The following SLC47A2 variants were observed in gnomAD, a reference collection of about 807,000 sequenced individuals.
The protein encoded by SLC47A2 is solute carrier family 47 member 2.
In SLC47A2, 52 loss-of-function variants were observed where a neutral mutation model predicts 67.7. That is an observed-to-expected ratio of 0.77 (90% CI 0.61 to 0.97). The LOEUF (loss-of-function observed/expected upper bound fraction) is 0.97. Among genes scored for constraint, SLC47A2 ranks in the 50% least tolerant of loss-of-function variants. SLC47A2 has a pLI of 0.00. For synonymous variants in SLC47A2, 278 were observed against 292.9 expected (o/e 0.95, Z 0.52); for missense variants, 676 against 712.3 (o/e 0.95, Z 0.58).
chr17:19,692,826 A>G (rs1179995095), intron 13 of SLC47A2, among the ~76,000 whole-genome samples: 2 of 152,218 alleles, frequency 1.3e-5, no homozygotes, highest in African/African-American at 4.8e-5. Context: ...AAATATATAC[A>G]CCATGATCAA....
intron 10 of SLC47A2, chr17:19,705,111 T>C (rs960198641): frequency 7.6e-6 from 3 of 397,136 alleles, no homozygotes; most frequent in Non-Finnish European, 1.3e-5. Flanking sequence ...CGTGAGCCAC[T>C]GCGCCCAGCC....
At position 19,681,812 on chromosome 17, in the gene SLC47A2, T is replaced by A; in HGVS notation, c.1165-142A>T. 3 of 1,045,540 alleles carry A rather than the reference T, an allele frequency of 2.9e-6. No individual in the cohort carries two copies. In the South Asian group the frequency reaches 5.0e-5, roughly 17 times the overall value. The allele number at this position is 1,045,540 out of a possible 1,614,324, so 64.8% of individuals were successfully genotyped here. On this transcript the variant is annotated intron_variant, in intron 13 of 16. Coordinates refer to ENST00000433844, the MANE Select transcript of SLC47A2 (RefSeq NM_001099646.3). ...CACTGGATGGGTGCCCTTATCTCCC[T>A]TTCTTCCCTGAGGGTGGCTGTCCAA...
chr17:19,709,581 A>AGTGT (rs375982429), intron 5 of SLC47A2, among the ~76,000 whole-genome samples: 1 of 151,802 alleles, frequency 6.6e-6, no homozygotes, highest in African/African-American at 2.4e-5. Flanking sequence ...GGATAATAAT[A>AGTGT]GTGTGTGTGT....
rs868150867 is a variant in SLC47A2, at chr17:19,685,184, C to T, written c.1165-3514G>A. 3.7e-4 allele frequency among the ~76,000 whole-genome samples: 56 copies of T among 152,212 alleles called. No homozygotes were observed. The highest frequency in any genetic ancestry group is 6.8e-3 in the Middle Eastern group (2 of 294). On this transcript the variant is annotated intron_variant, in intron 13 of 16. Transcript: ENST00000433844. The surrounding 1 kb of genome is among the most constrained non-coding windows in gnomAD (Gnocchi z 4.5). ...AGGCTGGAGTGCAGTGGCGTGATCT[C>T]GGCTTGCTACAACCTCCATCTCCCA...
At chr17:19,711,829 A>G (rs1031801875) in intron 5 of SLC47A2, among the ~76,000 whole-genome samples, 1 of 152,130 alleles carries the variant, frequency 6.6e-6, no homozygotes, top group Non-Finnish European at 1.5e-5. Context: ...GATGATTCAC[A>G]AAGATTTTTT....
intron 16 of SLC47A2, 69 bp from the exon 17 acceptor site, chr17:19,678,975 G>C (rs2085251574): frequency 7.2e-7 from 1 of 1,379,620 alleles, no homozygotes; most frequent in Non-Finnish European, 1.0e-6. Flanking sequence ...CTTGGAATCG[G>C]GAAACCTAGG....
At chr17:19,698,564 T>C (rs573474620) in intron 13 of SLC47A2, among the ~76,000 whole-genome samples, 4 of 152,290 alleles carry the variant, frequency 2.6e-5, no homozygotes, top group South Asian at 2.1e-4. Flanking sequence ...TTGGCCAGGC[T>C]GGTCTTGAAC....
chr17:19,695,499 C>CAAAAAAA (rs369851386), intron 13 of SLC47A2, among the ~76,000 whole-genome samples: 1 of 55,434 alleles, frequency 1.8e-5, no homozygotes, highest in Non-Finnish European at 3.2e-5. Context: ...AAACAAAGAA[C>CAAAAAAA]AAAAAAAAAA....
intron 4 of SLC47A2, 65 bp downstream of exon 4, chr17:19,713,760 A>C: frequency 6.4e-7 from 1 of 1,564,364 alleles, no homozygotes; most frequent in South Asian, 1.2e-5. Flanking sequence ...GGGCATCTTC[A>C]GGGTTTCCCT....
chr17:19,714,896 G>A (rs889618896), intron 2 of SLC47A2, 107 bp from the exon 3 acceptor site: 54 of 1,480,040 alleles, frequency 3.6e-5, no homozygotes, highest in Non-Finnish European at 4.6e-5. Context: ...AGCAGGCAGC[G>A]GTGGCAGAGG....
At chr17:19,704,685 G>A in intron 10 of SLC47A2, 1 of 1,550,150 alleles carries the variant, frequency 6.5e-7, no homozygotes, top group Non-Finnish European at 8.7e-7. Context: ...GCAAGACGAT[G>A]GCTGTGTCTC....
At chr17:19,690,770 G>A (rs564647216) in intron 13 of SLC47A2, among the ~76,000 whole-genome samples, 19 of 152,204 alleles carry the variant, frequency 1.2e-4, no homozygotes, top group African/African-American at 4.3e-4. Flanking sequence ...CAGTTAAAAT[G>A]GCTTCTATTC....
chr17:19,704,151 A>T lies in SLC47A2; in HGVS notation c.937T>A (p.Cys313Ser). 3.7e-6 allele frequency: 6 copies of T among 1,611,868 alleles called. No individual in the cohort carries two copies. ...CCCAGAGCCATCCCCACTCGGACAC[A>T]GACCCCGATGCTGAGCCCCAAGGGA... ...MIPLGLSIGV[C>S]VRVGMALGAA... Residue 313 changes from cysteine to serine, a missense_variant, in exon 11 of 17, where the codon TGT becomes AGT. Transcript: ENST00000433844.
At position 19,714,694 on chromosome 17, in the gene SLC47A2, C is replaced by T. The variant is rs111749498; in HGVS notation, c.294+27G>A. 2.2e-3 allele frequency: 3,560 copies of T among 1,613,522 alleles called. 68 individuals are homozygous for T. The African/African-American group carries it at 0.036, about 17-fold the overall frequency. ...AATTGGCTCTGCCCTTGCCTGGCTT[C>T]CTGCCCAGCTCCAGGAGGCCACCCA... On this transcript the variant is annotated intron_variant, in intron 3 of 16. Coordinates refer to ENST00000433844, the MANE Select transcript of SLC47A2 (RefSeq NM_001099646.3).
chr17:19,688,414 G>A (rs1177772283), intron 13 of SLC47A2, among the ~76,000 whole-genome samples: 1 of 151,636 alleles, frequency 6.6e-6, no homozygotes. Flanking sequence ...CATACCAAAC[G>A]GGAGAATTGG....
Position 19,714,927 on chromosome 17 carries a change from T to C in SLC47A2, c.226-138A>G, listed in dbSNP as rs113331269. ...AGAGGCTCTGCTCAGCAGCCTCATG[T>C]GCTGTGTGCCCCAGGGCCAGACCGC... On this transcript the variant is annotated intron_variant, in intron 2 of 16. Coordinates refer to ENST00000433844, the MANE Select transcript of SLC47A2 (RefSeq NM_001099646.3). 4,614 of 1,343,166 alleles carry C rather than the reference T, an allele frequency of 3.4e-3. 141 individuals carry two copies. In the African/African-American group the frequency reaches 0.059, roughly 17 times the overall value. The allele number at this position is 1,343,166 out of a possible 1,614,324, so 83.2% of individuals were successfully genotyped here.
At chr17:19,712,255 T>C (rs2086120639) in intron 5 of SLC47A2, among the ~76,000 whole-genome samples, 1 of 152,036 alleles carries the variant, frequency 6.6e-6, no homozygotes. Flanking sequence ...GGCGTGGTGG[T>C]GCATGCCTGT....
chr17:19,695,320 T>C (rs1296720454), intron 13 of SLC47A2, among the ~76,000 whole-genome samples: 1 of 151,924 alleles, frequency 6.6e-6, no homozygotes, highest in Non-Finnish European at 1.5e-5. Context: ...GTGAAATGTT[T>C]ACATATATAC....
At position 19,681,414 on chromosome 17, in the gene SLC47A2, A is replaced by C; in HGVS notation, c.1345T>G (p.Phe449Val). 1.2e-6 allele frequency: 2 copies of C among 1,613,468 alleles called. No homozygotes were observed. The highest frequency in any genetic ancestry group is 1.7e-6 in the Non-Finnish European group (2 of 1,179,726). The change falls in exon 15 of 17, where the codon TTT (phenylalanine) becomes GTT (valine). Residue 449 changes from phenylalanine to valine, a missense_variant. Transcript: ENST00000433844. ...TCCAGCCGGGCAGTATAAGCAACAAAGGCAGCAGTTGCCAGGAAGACACAG... is the reference window on the plus strand; with the variant it reads ...TCCAGCCGGGCAGTATAAGCAACAACGGCAGCAGTTGCCAGGAAGACACAG... ...LACVFLATAA[F>V]VAYTARLDWK...
Sources: allele counts gnomAD v4.1 joint callset (sites outside exome capture counted in the v4.1 genomes callset), GRCh38; gene constraint gnomAD v4.1.1; non-coding constraint Gnocchi (gnomAD v3.1); transcripts MANE v1.5; gene names NCBI Gene and HGNC (gene_info 2026-07-23, HGNC 2026-07-21).